Variants in ZNF678 observed in about 807,000 individuals in gnomAD.
The protein encoded by ZNF678 is hypothetical protein MGC42493.
ZNF678 carries 5 observed loss-of-function variants against 3.0 expected under a neutral mutation model. The observed-to-expected ratio is 1.69, with a 90% CI of 0.88 to 3.56. The LOEUF is 3.56. ZNF678 is among the 30% of genes most tolerant of loss of function. The pLI is 0.00. For missense variants in ZNF678, 593 were observed against 605.0 expected (o/e 0.98, Z 0.21); for synonymous variants, 218 against 199.6 (o/e 1.09, Z -0.78).
intron 5 of ZNF678, among the ~76,000 whole-genome samples, chr1:227,669,151 AT>A (rs1648358361): frequency 6.6e-6 from 1 of 152,074 alleles, no homozygotes; most frequent in Non-Finnish European, 1.5e-5. Context: ...TGGGAAAAAA[AT>A]ATTCACAAAC....
At chr1:227,626,747 C>T (rs1658427650) in intron 1 of ZNF678, among the ~76,000 whole-genome samples, 1 of 151,996 alleles carries the variant, frequency 6.6e-6, no homozygotes, top group South Asian at 2.1e-4. Context: ...CATTCATTTT[C>T]TCAACTTTCC....
chr1:227,578,356 A>G (rs1051338806), intron 1 of ZNF678, among the ~76,000 whole-genome samples: 2 of 152,060 alleles, frequency 1.3e-5, no homozygotes, highest in Admixed American at 6.6e-5. Flanking sequence ...CATTCTCCCC[A>G]TTTCCTTCAG....
intron 1 of ZNF678, among the ~76,000 whole-genome samples, chr1:227,590,476 T>C (rs1027447521): frequency 4.0e-5 from 6 of 151,788 alleles, no homozygotes; most frequent in African/African-American, 1.2e-4. Flanking sequence ...TGGTTGAGCA[T>C]GTTAATGGGG....
At chr1:227,564,717 T>C (rs1038429968) in intron 1 of ZNF678, among the ~76,000 whole-genome samples, 2 of 152,132 alleles carry the variant, frequency 1.3e-5, no homozygotes, top group Non-Finnish European at 2.9e-5. Context: ...TTGTTGTTGC[T>C]GTTGTTGTTT....
intron 1 of ZNF678, chr1:227,598,953 C>A: frequency 2.3e-6 from 2 of 855,444 alleles, no homozygotes; most frequent in East Asian, 5.1e-5. Flanking sequence ...TTCCAGTTCT[C>A]ATTCATTTTT....
intron 1 of ZNF678, among the ~76,000 whole-genome samples, chr1:227,640,797 G>A (rs983958468): frequency 1.4e-4 from 21 of 152,176 alleles, no homozygotes; most frequent in East Asian, 3.9e-4. Flanking sequence ...ATGGAGGACC[G>A]GGAGTTTCCC....
chr1:227,621,716 C>G (rs1658284145), intron 1 of ZNF678, among the ~76,000 whole-genome samples: 1 of 152,174 alleles, frequency 6.6e-6, no homozygotes, highest in Non-Finnish European at 1.5e-5. Flanking sequence ...TAATGCAATT[C>G]TAAGCCCCCC....
chr1:227,597,976 C>T (rs2999742), intron 1 of ZNF678, among the ~76,000 whole-genome samples: 35,744 of 151,970 alleles, frequency 0.24, 5,102 homozygotes, highest in African/African-American at 0.4. Context: ...TAAAAGTATA[C>T]GAGGGGAAAA....
intron 1 of ZNF678, among the ~76,000 whole-genome samples, chr1:227,568,530 G>T (rs1456016326): frequency 6.6e-6 from 1 of 152,222 alleles, no homozygotes; most frequent in East Asian, 1.9e-4. Flanking sequence ...GATTGCCTAC[G>T]CACCCAATCT....
rs181465855 is a variant in ZNF678, at chr1:227,598,343, T to C, written c.-164+34619T>C. The stretch of plus-strand genomic sequence containing the variant: ...ACACAAGAAAATTCGTGGATTTTAG[T>C]AAATATGTTGTAGTTTTCACAGTTG... On this transcript the variant is annotated intron_variant, in intron 1 of 3. Coordinates refer to ENST00000343776, the MANE Select transcript of ZNF678 (RefSeq NM_001367909.1). 53 of 1,285,128 alleles carry C rather than the reference T, an allele frequency of 4.1e-5. No individual in the cohort carries two copies. The African/African-American group carries it at 7.5e-4, about 18-fold the overall frequency. The allele number at this position is 1,285,128 out of a possible 1,614,324, so 79.6% of individuals were successfully genotyped here.
rs116273125 is a variant in ZNF678 at position 227,566,209 on chromosome 1, A to G, written c.-164+2485A>G. Among the ~76,000 whole-genome samples, 801 of 152,236 alleles carry G rather than the reference A, an allele frequency of 5.3e-3. 8 individuals are homozygous for G. Among genetic ancestry groups the G allele is most frequent in the African/African-American group, 0.019 (773 of 41,540 alleles). On this transcript the variant is annotated intron_variant, in intron 1 of 3. Transcript: ENST00000343776. ...AGGACAGCCTATGGCATGGAGATGG[A>G]GCCTCTCAGTGAAGCAGCTGGATGT...
chr1:227,647,715 C>T (rs1210961898), intron 2 of ZNF678, among the ~76,000 whole-genome samples: 3 of 152,072 alleles, frequency 2.0e-5, no homozygotes, highest in Non-Finnish European at 4.4e-5. Flanking sequence ...CTAAGGATTC[C>T]ACTACCCATG....
In ZNF678 at chr1:227,655,696, T is replaced by C. The variant is rs562813222; in HGVS notation, c.1446T>C (p.Ile482=). The stretch of plus-strand genomic sequence containing the variant: ...CAAGCCTTACTCGTCATAAAAGAAT[T>C]CATACTGGAGAGAAACGCTACAAAT... ...QFSSLTRHKR[I]HTGEKRYKCK... Residue 482 remains isoleucine, a synonymous_variant, in exon 4 of 4, where the codon ATT becomes ATC. Coordinates refer to ENST00000343776, the MANE Select transcript of ZNF678 (RefSeq NM_001367909.1). The C allele has an allele frequency of 1.2e-6, 2 of 1,612,608 alleles. No homozygotes were observed. The highest frequency in any genetic ancestry group is 1.7e-6 in the Non-Finnish European group (2 of 1,179,198).
At chr1:227,597,905 C>T (rs1019707920) in intron 1 of ZNF678, among the ~76,000 whole-genome samples, 1 of 152,174 alleles carries the variant, frequency 6.6e-6, no homozygotes, top group African/African-American at 2.4e-5. Context: ...GCACACTATT[C>T]TGCTAGCTAA....
In ZNF678 at chr1:227,563,864, T is replaced by G. The variant is rs1318757744; in HGVS notation, c.-164+140T>G. 4.0e-6 allele frequency: 3 copies of G among 759,072 alleles called. No homozygotes were observed. The African/African-American group carries it at 5.5e-5, about 14-fold the overall frequency. The allele number at this position is 759,072 out of a possible 1,614,324, so 47.0% of individuals were successfully genotyped here. ...GGGGCGGGGCCAGGCCGCCGCGGGATTCTCCTCCCATCACTGCGCCGCGGC... is the reference window on the plus strand; with the variant it reads ...GGGGCGGGGCCAGGCCGCCGCGGGAGTCTCCTCCCATCACTGCGCCGCGGC... On this transcript the variant is annotated intron_variant, in intron 1 of 3. Transcript: ENST00000343776.
At chr1:227,590,926 A>G (rs12131114) in intron 1 of ZNF678, among the ~76,000 whole-genome samples, 33,194 of 151,424 alleles carry the variant, frequency 0.22, 4,493 homozygotes, top group African/African-American at 0.34. Context: ...TTTAGGACCT[A>G]GAAGTGATCA....
chr1:227,662,511 C>CA (rs1349667690), downstream of ZNF678: 1 of 152,180 alleles, frequency 6.6e-6, no homozygotes, highest in Non-Finnish European at 1.5e-5. Flanking sequence ...ACAGCTACAG[C>CA]AGTTTCTCAC....
chr1:227,588,894 G>A lies in ZNF678; in HGVS notation c.-164+25170G>A, dbSNP rs554179340. On this transcript the variant is annotated intron_variant, in intron 1 of 3. Transcript: ENST00000343776. ...TTGCATTTTTCTCATGATCAGTGAT[G>A]TTAAGCTTTTTTTTTTTTCATATGT... Among the ~76,000 whole-genome samples, 561 of 97,920 alleles carry A rather than the reference G, an allele frequency of 5.7e-3. 2 individuals are homozygous for A. Among genetic ancestry groups the A allele is most frequent in the African/African-American group, 0.026 (519 of 19,624 alleles). 64.2% of individuals were successfully genotyped at this position (97,920 alleles called of 152,430 possible).
At chr1:227,616,423 C>A (rs1242924687) in intron 1 of ZNF678, among the ~76,000 whole-genome samples, 1 of 152,218 alleles carries the variant, frequency 6.6e-6, no homozygotes, top group African/African-American at 2.4e-5. Context: ...CTCAGTAATT[C>A]TTCTTTTTCT....
Sources: gnomAD v4.1 joint callset for allele counts (sites outside exome capture counted in the v4.1 genomes callset) on GRCh38, gnomAD v4.1.1 for gene constraint, MANE v1.5 for transcripts, NCBI Gene and HGNC (gene_info 2026-07-23, HGNC 2026-07-21) for gene names.